Variants in CEP20 observed in about 807,000 individuals in gnomAD.
CEP20 encodes centrosomal protein 20.
CEP20 carries 18 observed loss-of-function variants against 20.0 expected under a neutral mutation model. The ratio of observed to expected loss-of-function variants is 0.90; its 90% CI spans 0.62 to 1.34. The LOEUF (loss-of-function observed/expected upper bound fraction) is 1.34. CEP20 is among the 40% of genes most tolerant of loss of function. The probability of loss-of-function intolerance (pLI) is 0.00; values close to 1 mark genes in which losing one functional copy is unlikely to be tolerated. For synonymous variants in CEP20, 77 were observed against 73.7 expected, an observed-to-expected ratio of 1.04 and a Z score of -0.23; for missense variants, 215 against 201.6, an observed-to-expected ratio of 1.07 and a Z score of -0.40.
At chr16:15,876,096 T>TA (rs1177854626) in intron 3 of CEP20, among the ~76,000 whole-genome samples, 3 of 150,304 alleles carry the variant, frequency 2.0e-5, no homozygotes, top group Middle Eastern at 6.4e-3. Context: ...AAGAAAATAT[T>TA]AATGTGATTG....
In CEP20 at chr16:15,866,125, T is replaced by C. The variant is rs529816991; in HGVS notation, c.*1315A>G. ...ATTTTACCAGCAGGGCCTCCCAAAA[T>C]GTTGTGTAAGTATAGTTTAAATGGA... On this transcript the variant is annotated 3_prime_UTR_variant, in exon 5 of 5. Transcript: ENST00000255759. 1 of 131,082 alleles carries C rather than the reference T, an allele frequency of 7.6e-6. No homozygotes were observed. Among genetic ancestry groups the C allele is most frequent in the Non-Finnish European group, 1.8e-5 (1 of 55,134 alleles). The allele number at this position is 131,082 out of a possible 1,614,324, so 8.1% of individuals were successfully genotyped here. A position where few individuals can be genotyped will look rare whatever the true frequency, so the allele number is the denominator to read the frequency against.
intron 3 of CEP20, among the ~76,000 whole-genome samples, chr16:15,875,749 G>A (rs527459084): frequency 6.6e-6 from 1 of 152,136 alleles, no homozygotes; most frequent in Non-Finnish European, 1.5e-5. Flanking sequence ...GATGGCAAGG[G>A]TTGACCTAAC....
In CEP20 at chr16:15,866,947, C is replaced by A. The variant is rs1012634800; in HGVS notation, c.*493G>T. 1.9e-5 allele frequency: 3 copies of A among 154,508 alleles called. No homozygotes were observed. Among genetic ancestry groups the A allele is most frequent in the African/African-American group, 4.8e-5 (2 of 41,574 alleles). 9.6% of individuals were successfully genotyped at this position (154,508 alleles called of 1,614,324 possible). On this transcript the variant is annotated 3_prime_UTR_variant, in exon 5 of 5. Coordinates refer to ENST00000255759, the MANE Select transcript of CEP20 (RefSeq NM_144600.4). ...AAATGGCTGGGCTCAGTGGCTCACA[C>A]CTGTAATCCCAGCGCTTTGGGAGGC... is the stretch of plus-strand genomic sequence containing the variant.
intron 4 of CEP20, 41 bp downstream of exon 4, chr16:15,873,450 A>T (rs1352867427): frequency 1.3e-6 from 2 of 1,585,750 alleles, no homozygotes; most frequent in Admixed American, 1.9e-5. Context: ...AAGAAAACAT[A>T]TTTGCTGACA....
intron 3 of CEP20, among the ~76,000 whole-genome samples, chr16:15,876,324 A>G (rs113963445): frequency 0.024 from 3,667 of 151,972 alleles, 142 homozygotes; most frequent in African/African-American, 0.083. Flanking sequence ...AAATACAAAA[A>G]ATTAGCCAGG....
chr16:15,876,846 AACTT>A (rs1265838174), intron 3 of CEP20, among the ~76,000 whole-genome samples: 1 of 150,302 alleles, frequency 6.7e-6, no homozygotes, highest in Non-Finnish European at 1.5e-5. Flanking sequence ...TCCTCTCTCA[AACTT>A]ACTTTTTTTT....
chr16:15,867,416 A>T lies in CEP20; in HGVS notation c.*24T>A. 6.5e-7 allele frequency: 1 copy of T among 1,543,200 alleles called. No homozygotes were observed. Among genetic ancestry groups the T allele is most frequent in the Non-Finnish European group, 8.8e-7 (1 of 1,136,238 alleles). On this transcript the variant is annotated 3_prime_UTR_variant, in exon 5 of 5. Transcript: ENST00000255759. ...ATTTAATTAATAATACAATTTTAAG[A>T]CAAAAGATACCCCAAACAAAGCATT...
Position 15,879,881 on chromosome 16 carries a change from A to C in CEP20, c.234T>G (p.Gly78=). 6.3e-7 allele frequency: 1 copy of C among 1,581,220 alleles called. No individual in the cohort carries two copies. Among genetic ancestry groups the C allele is most frequent in the Non-Finnish European group, 8.5e-7 (1 of 1,170,144 alleles). Reference sequence around the variant, plus strand: ...GTCTGTCCAACGGAACTACAGGTTGACCAGATTCTGGGAGAAATAAATTCA... The same window carrying C: ...GTCTGTCCAACGGAACTACAGGTTGCCCAGATTCTGGGAGAAATAAATTCA... The part of the protein sequence containing the change: ...YTASVLIAES[G]QPVVPLDRQF... The change falls in exon 3 of 5, where the codon GGT becomes GGG. Residue 78 remains glycine (G), a synonymous_variant. Transcript: ENST00000255759.
At chr16:15,879,937 C>A (rs750755916) in intron 2 of CEP20, 49 bp from the exon 3 acceptor site, 2 of 1,292,820 alleles carry the variant, frequency 1.5e-6, no homozygotes, top group Admixed American at 2.4e-5. Context: ...AACTAAAAAG[C>A]AAATAAGATT....
Position 15,867,428 on chromosome 16 carries a change from CCAAA to C in CEP20, c.*8_*11del. 2 of 1,563,162 alleles carry C rather than the reference CCAAA, an allele frequency of 1.3e-6. No individual in the cohort carries two copies. The highest frequency in any genetic ancestry group is 2.7e-5 in the African/African-American group (2 of 73,492). ...ATACAATTTTAAGACAAAAGATACC[CCAAA>C]CAAAGCATTATCTGTTGACTGCCTG... On this transcript the variant is annotated 3_prime_UTR_variant, in exon 5 of 5. Coordinates refer to ENST00000255759, the MANE Select transcript of CEP20 (RefSeq NM_144600.4).
At chr16:15,884,413 T>C (rs1227952746) in intron 1 of CEP20, among the ~76,000 whole-genome samples, 1 of 152,250 alleles carries the variant, frequency 6.6e-6, no homozygotes, top group Non-Finnish European at 1.5e-5. Flanking sequence ...TGCAGTGATT[T>C]AGTCTTAATA....
In CEP20 at chr16:15,867,423, A is replaced by C; in HGVS notation, c.*17T>G. 1 of 1,559,102 alleles carries C rather than the reference A, an allele frequency of 6.4e-7. No homozygotes were observed. The highest frequency in any genetic ancestry group is 8.7e-7 in the Non-Finnish European group (1 of 1,147,954). ...TAATAATACAATTTTAAGACAAAAGATACCCCAAACAAAGCATTATCTGTT... is the reference window on the plus strand; with the variant it reads ...TAATAATACAATTTTAAGACAAAAGCTACCCCAAACAAAGCATTATCTGTT... On this transcript the variant is annotated 3_prime_UTR_variant, in exon 5 of 5. Transcript: ENST00000255759.
At chr16:15,872,313 CAA>C (rs200581304) in intron 4 of CEP20, among the ~76,000 whole-genome samples, 9 of 114,360 alleles carry the variant, frequency 7.9e-5, no homozygotes, top group Admixed American at 1.8e-4. Context: ...GACTCTGTCT[CAA>C]AAAAAAAAAA....
chr16:15,873,394 T>C, intron 4 of CEP20, 97 bp downstream of exon 4: 1 of 1,409,916 alleles, frequency 7.1e-7, no homozygotes, highest in Non-Finnish European at 9.6e-7. Context: ...AGAATTAAAC[T>C]ATGACTCAAA....
chr16:15,866,711 C>T lies in CEP20; in HGVS notation c.*729G>A, dbSNP rs1280599934. The stretch of plus-strand genomic sequence containing the variant: ...TTCTCCCAAAGCCTGTCTCTTCATG[C>T]TTACTTCACATTCTTTATCTAATAA... On this transcript the variant is annotated 3_prime_UTR_variant, in exon 5 of 5. Coordinates refer to ENST00000255759, the MANE Select transcript of CEP20 (RefSeq NM_144600.4). The T allele has an allele frequency of 2.6e-5, 4 of 152,202 alleles. No homozygotes were observed. Among genetic ancestry groups the T allele is most frequent in the Admixed American group, 2.6e-4 (4 of 15,270 alleles). 9.4% of individuals were successfully genotyped at this position (152,202 alleles called of 1,614,324 possible).
Position 15,876,849 on chromosome 16 carries a change from T to C in CEP20, c.311+2955A>G, listed in dbSNP as rs538219293. 1.6e-3 allele frequency among the ~76,000 whole-genome samples: 243 copies of C among 149,658 alleles called. 1 individual carries two copies. The highest frequency in any genetic ancestry group is 2.4e-3 in the Non-Finnish European group (164 of 67,602). ...TTTGCTTCCTCATCCTCTCTCAAAC[T>C]TACTTTTTTTTTTTTTTTTGGAAAC... On this transcript the variant is annotated intron_variant, in intron 3 of 4. Transcript: ENST00000255759.
At chr16:15,872,246 A>G (rs1021712575) in intron 4 of CEP20, among the ~76,000 whole-genome samples, 4 of 151,700 alleles carry the variant, frequency 2.6e-5, no homozygotes, top group African/African-American at 9.7e-5. Context: ...CCCAGGAGGC[A>G]GAGCTTACAG....
At chr16:15,873,423 A>C (rs909923510) in intron 4 of CEP20, 68 bp downstream of exon 4, 1 of 1,556,278 alleles carries the variant, frequency 6.4e-7, no homozygotes, top group Non-Finnish European at 8.7e-7. Context: ...AAAGACTCCA[A>C]AAGAAAAATA....
At chr16:15,879,227 G>C (rs1001922645) in intron 3 of CEP20, among the ~76,000 whole-genome samples, 5 of 152,172 alleles carry the variant, frequency 3.3e-5, no homozygotes, top group African/African-American at 1.2e-4. Context: ...TCGAGCAGAA[G>C]CTTGGGGTTG....
Sources: allele counts gnomAD v4.1 joint callset (sites outside exome capture counted in the v4.1 genomes callset), GRCh38; gene constraint gnomAD v4.1.1; transcripts MANE v1.5; gene names NCBI Gene and HGNC (gene_info 2026-07-23, HGNC 2026-07-21).